DCC: variants seen among roughly 807,000 people sequenced by gnomAD.
The protein encoded by DCC is netrin receptor DCC.
Under a neutral mutation model 172.5 loss-of-function variants are expected in DCC, and 58 were observed. The ratio of observed to expected loss-of-function variants is 0.34; its 90% confidence interval spans 0.27 to 0.42. DCC has a LOEUF of 0.42. DCC is among the 10% of genes least tolerant of loss of function. The pLI is 1.00. For synonymous variants in DCC, 709 were observed against 644.5 expected, an observed-to-expected ratio of 1.10 and a Z score of -1.52; for missense variants, 1,740 against 1,791.0, an observed-to-expected ratio of 0.97 and a Z score of 0.51.
chr18:53,017,057 TG>T (rs1239860285), intron 5 of DCC, among the ~76,000 whole-genome samples: 20 of 111,570 alleles, frequency 1.8e-4, no homozygotes, highest in African/African-American at 4.4e-4. Context: ...AATCATGGTA[TG>T]TTTTTTTTTT....
intron 1 of DCC, among the ~76,000 whole-genome samples, chr18:52,420,413 C>T (rs969080314): frequency 6.6e-6 from 1 of 152,110 alleles, no homozygotes; most frequent in African/African-American, 2.4e-5. Flanking sequence ...GGGAGCATTT[C>T]TTAAAGTATG....
intron 7 of DCC, among the ~76,000 whole-genome samples, chr18:53,141,129 C>T (rs1344265789): frequency 6.6e-6 from 1 of 152,080 alleles, no homozygotes; most frequent in Non-Finnish European, 1.5e-5. Context: ...ATCTACCATA[C>T]TCATTGATTA....
At chr18:52,512,676 T>C (rs887812586) in intron 1 of DCC, among the ~76,000 whole-genome samples, 1 of 152,178 alleles carries the variant, frequency 6.6e-6, no homozygotes, top group Non-Finnish European at 1.5e-5. Flanking sequence ...CCTGTCCTGA[T>C]GGAGCTTACA....
intron 12 of DCC, among the ~76,000 whole-genome samples, chr18:53,215,858 T>A (rs2055838498): frequency 6.6e-6 from 1 of 152,232 alleles, no homozygotes; most frequent in Non-Finnish European, 1.5e-5. Flanking sequence ...AATGTTTTAG[T>A]GGCCAAAGGC....
intron 7 of DCC, among the ~76,000 whole-genome samples, chr18:53,089,690 C>A (rs2144173229): frequency 6.6e-6 from 1 of 152,184 alleles, no homozygotes; most frequent in African/African-American, 2.4e-5. Context: ...TTGGACAAGT[C>A]ATCCCTATTA....
chr18:52,506,079 T>C (rs2031219511), intron 1 of DCC, among the ~76,000 whole-genome samples: 1 of 149,844 alleles, frequency 6.7e-6, no homozygotes, highest in Non-Finnish European at 1.5e-5. Context: ...ATATTACCTA[T>C]GCCATGCCAA....
chr18:53,228,455 G>T (rs571181001), intron 12 of DCC, among the ~76,000 whole-genome samples: 1 of 151,970 alleles, frequency 6.6e-6, no homozygotes, highest in African/African-American at 2.4e-5. Flanking sequence ...CTTCAGCTCC[G>T]TAAGAGTCTT....
At chr18:53,175,271 C>G (rs1459179970) in intron 8 of DCC, among the ~76,000 whole-genome samples, 2 of 151,696 alleles carry the variant, frequency 1.3e-5, no homozygotes, top group Non-Finnish European at 3.0e-5. Flanking sequence ...TGGCACAAGA[C>G]AGGGATGCCC....
chr18:52,736,244 A>G (rs1301298334), intron 1 of DCC, among the ~76,000 whole-genome samples: 1 of 151,456 alleles, frequency 6.6e-6, no homozygotes, highest in Non-Finnish European at 1.5e-5. Context: ...GGATCAAAAG[A>G]GGCTGTTATC....
intron 7 of DCC, among the ~76,000 whole-genome samples, chr18:53,115,006 A>G (rs1347159194): frequency 6.6e-6 from 1 of 151,636 alleles, no homozygotes; most frequent in African/African-American, 2.4e-5. Flanking sequence ...CCTTGTTTGA[A>G]ATGAACTCTT....
At chr18:53,407,479 A>G (rs933417233) in intron 19 of DCC, among the ~76,000 whole-genome samples, 6 of 144,540 alleles carry the variant, frequency 4.2e-5, no homozygotes, top group Admixed American at 2.1e-4. Context: ...TTTTATATAT[A>G]TCTTTTATAT....
chr18:52,787,605 T>C (rs2145198637), intron 2 of DCC, among the ~76,000 whole-genome samples: 1 of 152,252 alleles, frequency 6.6e-6, no homozygotes, highest in East Asian at 1.9e-4. Flanking sequence ...CCCATGCAAC[T>C]AAACATGTCA....
intron 22 of DCC, among the ~76,000 whole-genome samples, chr18:53,438,379 G>C (rs1438605226): frequency 6.6e-6 from 1 of 152,166 alleles, no homozygotes; most frequent in African/African-American, 2.4e-5. Context: ...TAAACTGCAT[G>C]TCCAAAAGGA....
At chr18:53,494,434 G>A (rs944251108) in intron 26 of DCC, among the ~76,000 whole-genome samples, 1 of 152,180 alleles carries the variant, frequency 6.6e-6, no homozygotes, top group African/African-American at 2.4e-5. Context: ...CACTATTATT[G>A]TGTGGGAGTC....
At chr18:52,422,844 A>G (rs1987295819) in intron 1 of DCC, among the ~76,000 whole-genome samples, 1 of 152,146 alleles carries the variant, frequency 6.6e-6, no homozygotes, top group Non-Finnish European at 1.5e-5. Flanking sequence ...AGATACAAGA[A>G]TGAGGAAGGT....
intron 21 of DCC, among the ~76,000 whole-genome samples, chr18:53,426,255 A>G (rs1294604158): frequency 1.4e-5 from 2 of 145,108 alleles, no homozygotes; most frequent in Non-Finnish European, 3.0e-5. Context: ...ATATATTTAT[A>G]TATAAATACA....
chr18:53,140,892 CA>C (rs1185050288), intron 7 of DCC, among the ~76,000 whole-genome samples: 1 of 152,006 alleles, frequency 6.6e-6, no homozygotes, highest in African/African-American at 2.4e-5. Flanking sequence ...TCCTTCACCC[CA>C]AGAATCTACT....
chr18:52,827,116 G>C (rs1193909659), intron 2 of DCC, among the ~76,000 whole-genome samples: 2 of 152,140 alleles, frequency 1.3e-5, no homozygotes, highest in South Asian at 2.1e-4. Flanking sequence ...ATACGTGAAT[G>C]ATCAGTCTAG....
At chr18:52,834,503 G>A (rs561925245) in intron 2 of DCC, among the ~76,000 whole-genome samples, 8 of 152,252 alleles carry the variant, frequency 5.3e-5, no homozygotes, top group South Asian at 4.1e-4. Context: ...CCCAGGCAAC[G>A]TTTCCGAACT....
Sources: allele counts gnomAD v4.1 joint callset (sites outside exome capture counted in the v4.1 genomes callset), GRCh38; gene constraint gnomAD v4.1.1; transcripts MANE v1.5; gene names NCBI Gene and HGNC (gene_info 2026-07-23, HGNC 2026-07-21).